ARHGEF10: variants seen among roughly 807,000 people sequenced by gnomAD.
ARHGEF10 encodes the protein Rho guanine nucleotide exchange factor (GEF) 10.
In ARHGEF10, 140 loss-of-function variants were observed where a neutral mutation model predicts 147.4. The ratio of observed to expected loss-of-function variants is 0.95; its 90% confidence interval spans 0.83 to 1.09. The LOEUF (loss-of-function observed/expected upper bound fraction) is 1.09. Ranked by LOEUF, ARHGEF10 falls within the 50% of genes least tolerant of loss-of-function variation. ARHGEF10 has a pLI of 0.00. For missense variants in ARHGEF10, 2,222 were observed against 1,752.7 expected (o/e 1.27, Z -4.78); for synonymous variants, 902 against 695.8 (o/e 1.30, Z -4.67).
chr8:1,832,291 C>A (rs1442409379), intron 1 of ARHGEF10, among the ~76,000 whole-genome samples: 4 of 152,034 alleles, frequency 2.6e-5, no homozygotes, highest in African/African-American at 9.7e-5. Context: ...GTGCAGCCGC[C>A]CTTGCTGTGG....
chr8:1,857,912 A>C, intron 2 of ARHGEF10, 48 bp from the exon 3 acceptor site: 1 of 1,382,936 alleles, frequency 7.2e-7, no homozygotes, highest in Non-Finnish European at 1.0e-6. Context: ...CTATCTATCT[A>C]TCTATCTATC....
At chr8:1,847,152 C>G (rs575454629) in intron 2 of ARHGEF10, among the ~76,000 whole-genome samples, 4 of 152,294 alleles carry the variant, frequency 2.6e-5, no homozygotes, top group Admixed American at 1.3e-4. Flanking sequence ...AGCCTGTGCA[C>G]CAGGAAAGAT....
intron 15 of ARHGEF10, among the ~76,000 whole-genome samples, chr8:1,899,590 G>T (rs538897725): frequency 6.6e-6 from 1 of 152,068 alleles, no homozygotes; most frequent in Non-Finnish European, 1.5e-5. Flanking sequence ...CTAAAATATC[G>T]ACATGGGCTC....
intron 6 of ARHGEF10, among the ~76,000 whole-genome samples, chr8:1,867,159 A>G (rs1186418834): frequency 6.6e-6 from 1 of 152,200 alleles, no homozygotes; most frequent in East Asian, 1.9e-4. Context: ...ATTCCAAAAC[A>G]TTTAGTAGCC....
intron 15 of ARHGEF10, among the ~76,000 whole-genome samples, chr8:1,902,038 TTGTTCCATAGGTATACC>T (rs1238432572): frequency 6.6e-6 from 1 of 152,110 alleles, no homozygotes; most frequent in African/African-American, 2.4e-5. Flanking sequence ...ATGTGCAGGT[TTGTTCCATAGGTATACC>T]TGTGCCATGG....
At chr8:1,864,193 C>G (rs1032671636) in intron 4 of ARHGEF10, among the ~76,000 whole-genome samples, 180 bp from the exon 5 acceptor site, 1 of 152,126 alleles carries the variant, frequency 6.6e-6, no homozygotes, top group Non-Finnish European at 1.5e-5. Flanking sequence ...TTATTAGATT[C>G]CAGTCTTGAA....
chr8:1,831,520 A>T (rs373351248), intron 1 of ARHGEF10, among the ~76,000 whole-genome samples: 3,431 of 56,132 alleles, frequency 0.061, 65 homozygotes, highest in Middle Eastern at 0.13. Flanking sequence ...GGACAGTGTG[A>T]CATCCGTGGA....
intron 18 of ARHGEF10, among the ~76,000 whole-genome samples, chr8:1,917,579 T>G (rs1270405554): frequency 6.6e-6 from 1 of 152,122 alleles, no homozygotes; most frequent in East Asian, 1.9e-4. Flanking sequence ...ATTGCAGGGA[T>G]TTCCATGGAA....
chr8:1,830,780 G>A (rs1803050935), intron 1 of ARHGEF10, among the ~76,000 whole-genome samples: 1 of 152,202 alleles, frequency 6.6e-6, no homozygotes, highest in South Asian at 2.1e-4. Context: ...GGAGAAATAA[G>A]GCATACACGG....
In ARHGEF10 at chr8:1,843,420, G is replaced by C; in HGVS notation, c.21G>C (p.Leu7=). Reference sequence around the variant, plus strand: ...GCAGCATGGACCAGCGAGAGCCCCTGCCTCCCGCTCCTGCAGGTAACAGCA... The same window carrying C: ...GCAGCATGGACCAGCGAGAGCCCCTCCCTCCCGCTCCTGCAGGTAACAGCA... The part of the protein sequence containing the change: MDQREP[L]PPAPAENEMK... Residue 7 remains leucine (L), a synonymous_variant, in exon 2 of 29, where the codon CTG becomes CTC. Coordinates refer to ENST00000349830, the MANE Select transcript of ARHGEF10 (RefSeq NM_014629.4). 1 of 1,613,148 alleles carries C rather than the reference G, an allele frequency of 6.2e-7. No homozygotes were observed.
At chr8:1,881,772 G>A (rs1015531530) in intron 9 of ARHGEF10, among the ~76,000 whole-genome samples, 1 of 152,224 alleles carries the variant, frequency 6.6e-6, no homozygotes, top group Admixed American at 6.5e-5. Flanking sequence ...TGCTCCTCAC[G>A]CGGTGGTGTG....
chr8:1,825,922 T>A, intron 1 of ARHGEF10: 7 of 612,244 alleles, frequency 1.1e-5, no homozygotes, highest in Non-Finnish European at 2.0e-5. Flanking sequence ...CTGTTGCTGA[T>A]TAATAATATG....
At chr8:1,950,729 G>A (rs1190534577) in intron 27 of ARHGEF10, among the ~76,000 whole-genome samples, 1 of 81,910 alleles carries the variant, frequency 1.2e-5, no homozygotes, top group East Asian at 4.7e-4. Context: ...TTGTTTTTTA[G>A]GTTTTTTTTT....
At chr8:1,869,534 C>G in intron 7 of ARHGEF10, 1 of 557,130 alleles carries the variant, frequency 1.8e-6, no homozygotes, top group South Asian at 2.0e-5. Context: ...AACACAGAGG[C>G]TGAGAAGCAG....
chr8:1,875,472 A>G (rs926088794), intron 7 of ARHGEF10, among the ~76,000 whole-genome samples: 1 of 152,182 alleles, frequency 6.6e-6, no homozygotes, highest in African/African-American at 2.4e-5. Context: ...GCAATTGTGC[A>G]AGGACTTGAC....
chr8:1,888,116 T>TAGTGGGGTGAGGGTTGCGAGGAGACAGTG lies in ARHGEF10; in HGVS notation c.1182+2424_1182+2425insGCGAGGAGACAGTGAGTGGGGTGAGGGTT, dbSNP rs1563233353. ...AGGGTGAATGTTTTGAGGAGACACTTAGTGGGGTGAGGGTTTGCGAGGAGA... is the reference window on the plus strand; with the variant it reads ...AGGGTGAATGTTTTGAGGAGACACTTAGTGGGGTGAGGGTTGCGAGGAGACAGTGAGTGGGGTGAGGGTTTGCGAGGAGA... On this transcript the variant is annotated intron_variant, in intron 11 of 28. Coordinates refer to ENST00000349830, the MANE Select transcript of ARHGEF10 (RefSeq NM_014629.4). 2.3e-4 allele frequency among the ~76,000 whole-genome samples: 19 copies of TAGTGGGGTGAGGGTTGCGAGGAGACAGTG among 81,872 alleles called. 4 individuals carry two copies. Among genetic ancestry groups the TAGTGGGGTGAGGGTTGCGAGGAGACAGTG allele is most frequent in the Non-Finnish European group, 2.9e-4 (14 of 47,702 alleles). 53.7% of individuals were successfully genotyped at this position (81,872 alleles called of 152,430 possible). A position where few individuals can be genotyped will look rare whatever the true frequency, so the allele number is the denominator to read the frequency against.
At chr8:1,865,425 C>T (rs1806505223) in intron 5 of ARHGEF10, among the ~76,000 whole-genome samples, 1 of 151,696 alleles carries the variant, frequency 6.6e-6, no homozygotes, top group East Asian at 1.9e-4. Flanking sequence ...GGGGCATCCC[C>T]CAGCACCCAG....
chr8:1,863,147 G>C (rs141263551), intron 4 of ARHGEF10, among the ~76,000 whole-genome samples: 17 of 152,290 alleles, frequency 1.1e-4, no homozygotes, highest in African/African-American at 3.8e-4. Context: ...GGAGCAGGCA[G>C]ATTGGATTTC....
intron 26 of ARHGEF10, among the ~76,000 whole-genome samples, chr8:1,934,661 C>G (rs1722892578): frequency 6.6e-6 from 1 of 152,174 alleles, no homozygotes; most frequent in Non-Finnish European, 1.5e-5. Context: ...AGCTGGCTCT[C>G]AAACCCCAGC....
Sources: allele counts gnomAD v4.1 joint callset (sites outside exome capture counted in the v4.1 genomes callset), GRCh38; gene constraint gnomAD v4.1.1; transcripts MANE v1.5; gene names NCBI Gene and HGNC (gene_info 2026-07-23, HGNC 2026-07-21).